The following TTLL8 variants were observed in gnomAD, a reference collection of about 807,000 sequenced individuals.
TTLL8 encodes tubulin tyrosine ligase like 8.
A neutral mutation model predicts 77.8 loss-of-function variants in TTLL8; 65 were observed. The ratio of observed to expected loss-of-function variants is 0.84; its 90% CI spans 0.68 to 1.03. The LOEUF (loss-of-function observed/expected upper bound fraction) is 1.03. TTLL8 is among the 50% of genes least tolerant of loss of function. The pLI is 0.00. For synonymous variants in TTLL8, 402 were observed against 422.8 expected, an observed-to-expected ratio of 0.95 and a Z score of 0.60; for missense variants, 910 against 1,004.5, an observed-to-expected ratio of 0.91 and a Z score of 1.27.
Position 50,035,296 on chromosome 22 carries a change from G to C in TTLL8, c.922-834C>G, listed in dbSNP as rs181659854. Among the ~76,000 whole-genome samples, 225 of 152,308 alleles carry C rather than the reference G, an allele frequency of 1.5e-3. 1 individual carries two copies. Among genetic ancestry groups the C allele is most frequent in the African/African-American group, 5.2e-3 (218 of 41,570 alleles). ...GACGCCAGCCGTGACTCTCACAGCC[G>C]GCCTGGGCTGGGGTGGGGAAGCCCC... On this transcript the variant is annotated intron_variant, in intron 8 of 13. Coordinates refer to ENST00000266182, the Ensembl canonical transcript of TTLL8.
intron 12 of TTLL8, among the ~76,000 whole-genome samples, chr22:50,029,759 G>A (rs1034003138): frequency 1.3e-5 from 2 of 151,348 alleles, no homozygotes; most frequent in African/African-American, 2.4e-5. Flanking sequence ...AGACCCTCTC[G>A]TCATGCTGCC....
chr22:50,050,375 C>CTTT, intron 1 of TTLL8, 128 bp from the exon 4 acceptor site: 3 of 357,922 alleles, frequency 8.4e-6, no homozygotes, highest in Non-Finnish European at 1.4e-5. Flanking sequence ...CCAATATGTC[C>CTTT]TTTTTTTTTT....
chr22:50,030,536 G>A, exon 12 of TTLL8: 1 of 1,326,126 alleles, frequency 7.5e-7, no homozygotes, highest in Non-Finnish European at 1.0e-6. Flanking sequence ...AGCTTTTGGC[G>A]GGCTGGGCTA....
chr22:50,037,677 G>A (rs1016514899), intron 8 of TTLL8, among the ~76,000 whole-genome samples: 8 of 152,044 alleles, frequency 5.3e-5, no homozygotes, highest in Non-Finnish European at 1.0e-4. Context: ...GCTTGGTCTC[G>A]AATGCAGTGA....
chr22:50,032,493 A>T (rs1261638713), intron 10 of TTLL8, among the ~76,000 whole-genome samples: 1 of 152,220 alleles, frequency 6.6e-6, no homozygotes, highest in Non-Finnish European at 1.5e-5. Flanking sequence ...AGCTCCTCCC[A>T]GGCCTCTTCT....
At chr22:50,023,535 AT>A (rs2146626569) in intron 12 of TTLL8, among the ~76,000 whole-genome samples, 1 of 151,482 alleles carries the variant, frequency 6.6e-6, no homozygotes, top group South Asian at 2.1e-4. Context: ...ATACAAAAAA[AT>A]TAGCTGGGCG....
upstream of TTLL8, among the ~76,000 whole-genome samples, chr22:50,055,802 A>C (rs1470977860): frequency 6.6e-6 from 1 of 152,164 alleles, no homozygotes; most frequent in African/African-American, 2.4e-5. Context: ...AGATTGGTCC[A>C]AGGAATGGTG....
At chr22:50,036,631 A>T in intron 8 of TTLL8, among the ~76,000 whole-genome samples, 1 of 144,184 alleles carries the variant, frequency 6.9e-6, no homozygotes. Context: ...ACTGAGTGTC[A>T]CTCTGTCACC....
chr22:50,019,789 T>C (rs1460837681), intron 12 of TTLL8, among the ~76,000 whole-genome samples: 2 of 152,258 alleles, frequency 1.3e-5, no homozygotes, highest in African/African-American at 2.4e-5. Flanking sequence ...GCCACAGCTC[T>C]GCTTTGCAGT....
At position 50,034,523 on chromosome 22, in the gene TTLL8, G is replaced by A; in HGVS notation, c.922-61C>T. ...CATCGCCACTACAAAGCAAGATCCA[G>A]AAAGTGCATGAGACTTGGAGGCCTG... On this transcript the variant is annotated intron_variant, in intron 8 of 13. Transcript: ENST00000266182. This position sits in a 1 kb window ranked among gnomAD's most constrained non-coding sequence, Gnocchi z 4.1. The A allele has an allele frequency of 7.6e-7, 1 of 1,322,288 alleles. No individual in the cohort carries two copies. The highest frequency in any genetic ancestry group is 1.0e-6 in the Non-Finnish European group (1 of 1,000,998). The allele number at this position is 1,322,288 out of a possible 1,614,324, so 81.9% of individuals were successfully genotyped here.
At chr22:50,055,080 A>C (rs1260894848), upstream of TTLL8, 135 of 901,374 alleles carry the variant, frequency 1.5e-4, no homozygotes, top group Non-Finnish European at 1.7e-4. Flanking sequence ...TAAGTAAATA[A>C]ATGAAAGGTA....
intron 10 of TTLL8, 104 bp downstream of exon 11, chr22:50,033,098 G>A: frequency 1.6e-6 from 2 of 1,226,426 alleles, no homozygotes; most frequent in Non-Finnish European, 2.1e-6. Flanking sequence ...GCAGGTGGCA[G>A]TGAGGGGGCC....
intron 12 of TTLL8, 190 bp downstream of exon 13, chr22:50,030,240 C>T (rs1309930039): frequency 2.7e-5 from 27 of 985,252 alleles, no homozygotes; most frequent in Non-Finnish European, 3.1e-5. Flanking sequence ...GACCCCCGTG[C>T]CGGGCTGGGA....
upstream of TTLL8, among the ~76,000 whole-genome samples, chr22:50,057,535 A>T (rs866963786): frequency 1.3e-3 from 6 of 4,752 alleles, no homozygotes; most frequent in African/African-American, 2.5e-3. Context: ...GTCTGGGTTG[A>T]GCGGGAGGTC....
chr22:50,050,223 C>T lies in TTLL8; in HGVS notation c.76G>A (p.Gly26Arg), dbSNP rs190576024. The stretch of plus-strand genomic sequence containing the variant: ...GCGGCCCGGACCACCGGGTAGTGTC[C>T]GTAGATAGAGAAAATCTTCTTCTCC... Residue 26 changes from glycine to arginine, a missense_variant, in exon 2 of 14, where the codon GGA becomes AGA. This residue lies in a region of TTLL8 where 776 missense variants were observed against 926.1 expected (regional missense o/e 0.84). Transcript: ENST00000266182. The T allele has an allele frequency of 4.7e-5, 63 of 1,344,068 alleles. No individual in the cohort carries two copies. The East Asian group carries it at 2.5e-3, about 54-fold the overall frequency. 83.3% of individuals were successfully genotyped at this position (1,344,068 alleles called of 1,614,324 possible).
chr22:50,028,431 A>G (rs1035768745), intron 12 of TTLL8, among the ~76,000 whole-genome samples: 2 of 152,136 alleles, frequency 1.3e-5, no homozygotes, highest in East Asian at 1.9e-4. Flanking sequence ...ACACCTGGGA[A>G]TGTGCCCTGC....
chr22:50,033,301 C>T lies in TTLL8; in HGVS notation c.1184G>A (p.Trp395Ter). The T allele has an allele frequency of 7.3e-7, 1 of 1,364,574 alleles. No individual in the cohort carries two copies. The highest frequency in any genetic ancestry group is 9.8e-7 in the Non-Finnish European group (1 of 1,020,836). The allele number at this position is 1,364,574 out of a possible 1,614,324, so 84.5% of individuals were successfully genotyped here. A position where few individuals can be genotyped will look rare whatever the true frequency, so the allele number is the denominator to read the frequency against. Residue 395 changes from tryptophan (W) to a stop codon, truncating the protein, a stop_gained, in exon 10 of 14, where the codon TGG (tryptophan) becomes TAG (stop). Transcript: ENST00000266182. LOFTEE classifies it high-confidence loss of function. ...GGGGTTCCAGTCCGTGACGAGGAAC[C>T]ACTGTCTGATGTCGAACTTGGTGTC...
chr22:50,049,283 G>A (rs759343618), exon 3 of TTLL8: 16 of 1,367,700 alleles, frequency 1.2e-5, no homozygotes, highest in Non-Finnish European at 1.6e-5. Flanking sequence ...TTTCTCCAAA[G>A]CCATTTCTTG....
At chr22:50,057,527 C>T (rs73183361), upstream of TTLL8, among the ~76,000 whole-genome samples, 127 of 49,084 alleles carry the variant, frequency 2.6e-3, no homozygotes, top group Admixed American at 4.1e-3. Context: ...GGGGTCAGGT[C>T]TGGGTTGAGC....
Sources: gnomAD v4.1 joint callset for allele counts (sites outside exome capture counted in the v4.1 genomes callset) on GRCh38, gnomAD v4.1.1 for gene constraint, gnomAD v4.1.1 regional missense constraint, Gnocchi (gnomAD v3.1) non-coding constraint, MANE v1.5 for transcripts, NCBI Gene and HGNC (gene_info 2026-07-23, HGNC 2026-07-21) for gene names.